The following GATB variants were observed in gnomAD, a reference collection of about 807,000 sequenced individuals.
The protein encoded by GATB is glutamyl-tRNA amidotransferase subunit B.
A neutral mutation model predicts 62.3 loss-of-function variants in GATB; 39 were observed. The observed-to-expected ratio is 0.63, with a 90% CI of 0.48 to 0.82. GATB has a LOEUF of 0.82. Ranked by LOEUF, GATB falls within the 40% of genes least tolerant of loss-of-function variation. The pLI, the probability that GATB is intolerant of heterozygous loss-of-function variation, is 0.00. For missense variants in GATB, 670 were observed against 684.0 expected, an observed-to-expected ratio of 0.98 and a Z score of 0.23; for synonymous variants, 276 against 258.9, an observed-to-expected ratio of 1.07 and a Z score of -0.63.
intron 2 of GATB, among the ~76,000 whole-genome samples, chr4:151,733,497 A>C (rs1739309060): frequency 6.6e-6 from 1 of 152,220 alleles, no homozygotes; most frequent in East Asian, 1.9e-4. Context: ...AACCAAAAAA[A>C]GTCCAGGACC....
At chr4:151,701,258 T>C in intron 9 of GATB, 71 bp downstream of exon 9, 3 of 1,262,036 alleles carry the variant, frequency 2.4e-6, no homozygotes, top group Non-Finnish European at 3.2e-6. Context: ...AGCCTGTGTG[T>C]GGCGGGGCCT....
intron 2 of GATB, among the ~76,000 whole-genome samples, chr4:151,744,744 T>C (rs1739562328): frequency 6.6e-6 from 1 of 152,138 alleles, no homozygotes; most frequent in Non-Finnish European, 1.5e-5. Flanking sequence ...AAAAGATCTA[T>C]GGCAGGGAAG....
At chr4:151,711,727 A>C (rs906525474) in intron 5 of GATB, among the ~76,000 whole-genome samples, 3 of 152,210 alleles carry the variant, frequency 2.0e-5, no homozygotes, top group Non-Finnish European at 4.4e-5. Flanking sequence ...TCCTGAACAT[A>C]AGATCCATGT....
At chr4:151,717,376 A>G (rs1304705410) in intron 3 of GATB, 1 of 335,068 alleles carries the variant, frequency 3.0e-6, no homozygotes, top group Non-Finnish European at 5.5e-6. Flanking sequence ...GAATAACAAT[A>G]ATGTCATTGT....
intron 2 of GATB, among the ~76,000 whole-genome samples, chr4:151,746,021 TC>T (rs1434692549): frequency 6.6e-6 from 1 of 152,208 alleles, no homozygotes; most frequent in African/African-American, 2.4e-5. Flanking sequence ...GCAGAGCTTC[TC>T]ATTTCTTATT....
intron 2 of GATB, 92 bp from the exon 3 acceptor site, chr4:151,719,630 G>T: frequency 1.2e-6 from 1 of 824,202 alleles, no homozygotes; most frequent in Non-Finnish European, 1.9e-6. Context: ...TATGCAACTT[G>T]GCCCTTCAAC....
At chr4:151,686,343 T>C (rs543387021) in intron 10 of GATB, among the ~76,000 whole-genome samples, 14 of 152,266 alleles carry the variant, frequency 9.2e-5, no homozygotes, top group Admixed American at 9.2e-4. Context: ...AACACATGGA[T>C]GTGTGCATCC....
chr4:151,673,256 G>GGT (rs1553965510), intron 11 of GATB: 1 of 136,316 alleles, frequency 7.3e-6, no homozygotes, highest in African/African-American at 4.1e-5. Context: ...TCCACATGGC[G>GGT]GGGGGGGGCC....
chr4:151,695,102 C>G (rs1438063807), intron 9 of GATB, among the ~76,000 whole-genome samples: 1 of 152,206 alleles, frequency 6.6e-6, no homozygotes, highest in African/African-American at 2.4e-5. Flanking sequence ...GCAAGTACAT[C>G]TTCCTACAGT....
chr4:151,701,956 A>G (rs1046756667), intron 8 of GATB, among the ~76,000 whole-genome samples: 1 of 152,242 alleles, frequency 6.6e-6, no homozygotes, highest in African/African-American at 2.4e-5. Context: ...GGCCATGTGG[A>G]GTAGCCTACT....
intron 2 of GATB, among the ~76,000 whole-genome samples, chr4:151,750,260 C>A (rs529620143): frequency 6.6e-5 from 10 of 152,278 alleles, no homozygotes; most frequent in Non-Finnish European, 4.4e-5. Context: ...AGTTCCCCGC[C>A]CCACCCCTTC....
Position 151,708,026 on chromosome 4 carries a change from T to C in GATB, c.839A>G (p.Lys280Arg), listed in dbSNP as rs1738747430. 1 of 1,614,092 alleles carries C rather than the reference T, an allele frequency of 6.2e-7. No individual in the cohort carries two copies. Among genetic ancestry groups the C allele is most frequent in the Non-Finnish European group, 8.5e-7 (1 of 1,179,914 alleles). Residue 280 changes from lysine (K) to arginine (R), a missense_variant, in exon 6 of 13, where the codon AAG (lysine) becomes AGG (arginine). Coordinates refer to ENST00000263985, the MANE Select transcript of GATB (RefSeq NM_004564.3). Reference sequence around the variant, plus strand: ...CAGGAACCTGATGCTGTTGAGATTCTTCACTTCCGTTCGAACGCCCAAAGG... The same window carrying C: ...CAGGAACCTGATGCTGTTGAGATTCCTCACTTCCGTTCGAACGCCCAAAGG... ...GEPLGVRTEV[K>R]NLNSIRFLAK...
Position 151,670,911 on chromosome 4 carries a change from T to C in GATB, c.*263A>G, listed in dbSNP as rs1221592058. 2.4e-6 allele frequency: 1 copy of C among 408,868 alleles called. No homozygotes were observed. The highest frequency in any genetic ancestry group is 4.4e-6 in the Non-Finnish European group (1 of 227,718). The allele number at this position is 408,868 out of a possible 1,614,324, so 25.3% of individuals were successfully genotyped here. A position where few individuals can be genotyped will look rare whatever the true frequency, so the allele number is the denominator to read the frequency against. On this transcript the variant is annotated 3_prime_UTR_variant, in exon 13 of 13. Coordinates refer to ENST00000263985, the MANE Select transcript of GATB (RefSeq NM_004564.3). ...ATTCCTTAATACAAGAAGGTGTTAC[T>C]CCTTAACCACTGCTGCAGCCTCACC... is the stretch of plus-strand genomic sequence containing the variant.
chr4:151,679,912 A>G (rs751065403), intron 10 of GATB, 21 bp from the exon 11 acceptor site: 2 of 1,609,960 alleles, frequency 1.2e-6, no homozygotes, highest in East Asian at 4.5e-5. Flanking sequence ...CCAAAAGAGA[A>G]AACACATTTA....
chr4:151,758,936 G>A lies in GATB; in HGVS notation c.177-14C>T. 6.3e-7 allele frequency: 1 copy of A among 1,581,906 alleles called. No individual in the cohort carries two copies. The highest frequency in any genetic ancestry group is 8.6e-7 in the Non-Finnish European group (1 of 1,162,828). On this transcript the variant is annotated splice_polypyrimidine_tract_variant and intron_variant, in intron 1 of 12. Coordinates refer to ENST00000263985, the MANE Select transcript of GATB (RefSeq NM_004564.3). ...CATTTGTGTTCACTAAGAAGAAAGA[G>A]ATAATGGTTAAGATGTATTATATTT...
intron 5 of GATB, among the ~76,000 whole-genome samples, chr4:151,713,063 C>T (rs753917825): frequency 9.9e-5 from 15 of 152,036 alleles, no homozygotes; most frequent in Non-Finnish European, 2.2e-4. Context: ...CATAGGAGCA[C>T]GAACCCTATT....
rs950385726 is a variant in GATB at position 151,730,551 on chromosome 4, G to A, written c.328-11013C>T. Among the ~76,000 whole-genome samples the A allele has an allele frequency of 2.5e-4, 38 of 152,184 alleles. No homozygotes were observed. The highest frequency in any genetic ancestry group is 2.1e-4 in the South Asian group (1 of 4,830). On this transcript the variant is annotated intron_variant, in intron 2 of 12. Coordinates refer to ENST00000263985, the MANE Select transcript of GATB (RefSeq NM_004564.3). The surrounding 1 kb of genome is among the most constrained non-coding windows in gnomAD (Gnocchi z 4.1). Reference sequence around the variant, plus strand: ...CTCTGCCACCTTCACCAGAACAGGCGCTGGTATTCACGGCTGAGAGACCAA... The same window carrying A: ...CTCTGCCACCTTCACCAGAACAGGCACTGGTATTCACGGCTGAGAGACCAA...
intron 3 of GATB, among the ~76,000 whole-genome samples, chr4:151,717,721 T>A (rs1482875767): frequency 6.6e-6 from 1 of 152,136 alleles, no homozygotes; most frequent in Admixed American, 6.5e-5. Context: ...CACCTGCTTC[T>A]AAGTGGAAAG....
At chr4:151,738,649 T>C (rs1739425912) in intron 2 of GATB, among the ~76,000 whole-genome samples, 1 of 152,228 alleles carries the variant, frequency 6.6e-6, no homozygotes, top group Admixed American at 6.5e-5. Flanking sequence ...ATATATTAAC[T>C]TCTCTGCACA....
Sources: allele counts gnomAD v4.1 joint callset (sites outside exome capture counted in the v4.1 genomes callset), GRCh38; gene constraint gnomAD v4.1.1; non-coding constraint Gnocchi (gnomAD v3.1); transcripts MANE v1.5; gene names NCBI Gene and HGNC (gene_info 2026-07-23, HGNC 2026-07-21).